TMEM132E: variants seen among roughly 807,000 people sequenced by gnomAD.
TMEM132E encodes transmembrane protein 132E.
In TMEM132E, 49 loss-of-function variants were observed where a neutral mutation model predicts 78.5. The observed-to-expected ratio is 0.62, with a 90% CI of 0.50 to 0.79. TMEM132E has a LOEUF of 0.79. Ranked by LOEUF, TMEM132E falls within the 30% of genes least tolerant of loss-of-function variation. The pLI is 0.00. For missense variants in TMEM132E, 1,403 were observed against 1,470.9 expected (o/e 0.95, Z 0.75); for synonymous variants, 715 against 670.6 (o/e 1.07, Z -1.02).
At chr17:34,593,271 C>A (rs1315176994) in intron 1 of TMEM132E, among the ~76,000 whole-genome samples, 1 of 151,892 alleles carries the variant, frequency 6.6e-6, no homozygotes, top group Non-Finnish European at 1.5e-5. Context: ...TTGAAACAAT[C>A]AAAAATAAAA....
chr17:34,624,220 T>C lies in TMEM132E; in HGVS notation c.68-1907T>C, dbSNP rs558301807. Among the ~76,000 whole-genome samples, 3 of 152,386 alleles carry C rather than the reference T, an allele frequency of 2.0e-5. No homozygotes were observed. In the South Asian group the frequency reaches 6.2e-4, roughly 32 times the overall value. ...TTAGTTCACCGCTTTTGCGAGGAAC[T>C]GGATGTGAATGTTTGTGAAACTGCC... On this transcript the variant is annotated intron_variant, in intron 1 of 8. Coordinates refer to ENST00000631683, the MANE Select transcript of TMEM132E (RefSeq NM_001304438.2).
intron 1 of TMEM132E, among the ~76,000 whole-genome samples, chr17:34,595,443 A>G (rs1266470997): frequency 6.6e-6 from 1 of 152,192 alleles, no homozygotes; most frequent in East Asian, 1.9e-4. Flanking sequence ...AGACCTCCTT[A>G]TAGGGTGCCC....
chr17:34,628,182 C>T (rs1184998460), intron 2 of TMEM132E, among the ~76,000 whole-genome samples: 1 of 152,172 alleles, frequency 6.6e-6, no homozygotes, highest in Non-Finnish European at 1.5e-5. Flanking sequence ...CTCTGTTGCC[C>T]AGCAGAGCCT....
rs1555563333 is a variant in TMEM132E, at chr17:34,613,197, C to CGCG, written c.68-12930_68-12929insGCG. Among the ~76,000 whole-genome samples, 8 of 131,064 alleles carry CGCG rather than the reference C, an allele frequency of 6.1e-5. No homozygotes were observed. In the Admixed American group the frequency reaches 6.2e-4, roughly 10 times the overall value. 86.0% of individuals were successfully genotyped at this position (131,064 alleles called of 152,430 possible). A position where few individuals can be genotyped will look rare whatever the true frequency, so the allele number is the denominator to read the frequency against. On this transcript the variant is annotated intron_variant, in intron 1 of 8. Coordinates refer to ENST00000631683, the MANE Select transcript of TMEM132E (RefSeq NM_001304438.2). ...TCTACACACACACACACACACACAC[C>CGCG]CACACACACACACACGCGCGCGCGC... is the stretch of plus-strand genomic sequence containing the variant.
Position 34,630,043 on chromosome 17 carries a change from C to T in TMEM132E, c.1374C>T (p.Gly458=), listed in dbSNP as rs780918646. 2.5e-6 allele frequency: 4 copies of T among 1,612,790 alleles called. No individual in the cohort carries two copies. The East Asian group carries it at 6.7e-5, about 27-fold the overall frequency. The change falls in exon 5 of 9, where the codon GGC becomes GGT. Residue 458 remains glycine (G), a synonymous_variant. Coordinates refer to ENST00000631683, the MANE Select transcript of TMEM132E (RefSeq NM_001304438.2). ...TEIINTAILT[G]RTVAIPVKVI... Reference sequence around the variant, plus strand: ...TCATCAACACGGCCATTCTGACTGGCCGGACAGTGGCCATCCCTGTCAAGG... The same window carrying T: ...TCATCAACACGGCCATTCTGACTGGTCGGACAGTGGCCATCCCTGTCAAGG...
Position 34,629,154 on chromosome 17 carries a change from G to C in TMEM132E, c.1288G>C (p.Glu430Gln). Residue 430 changes from glutamate (E) to glutamine (Q), a missense_variant, in exon 4 of 9, where the codon GAG becomes CAG. Physicochemically the swap from Glu to Gln is conservative, Grantham distance 29. This residue lies in a region of TMEM132E where 888 missense variants were observed against 952.8 expected (regional missense o/e 0.93). Coordinates refer to ENST00000631683, the MANE Select transcript of TMEM132E (RefSeq NM_001304438.2). ...GCCTGACCTGGAGCGGGCAGTCACTGAGCTGACGGTCATTCAGCGGGATGT... is the reference window on the plus strand; with the variant it reads ...GCCTGACCTGGAGCGGGCAGTCACTCAGCTGACGGTCATTCAGCGGGATGT... Reference protein sequence around the residue: ...ALPDLERAVTELTVIQRDVQA... With the variant: ...ALPDLERAVTQLTVIQRDVQA... 2 of 1,614,144 alleles carry C rather than the reference G, an allele frequency of 1.2e-6. No homozygotes were observed. Among genetic ancestry groups the C allele is most frequent in the Admixed American group, 1.7e-5 (1 of 60,016 alleles).
chr17:34,637,893 C>T lies in TMEM132E; in HGVS notation c.2886C>T (p.Pro962=), dbSNP rs2142089682. The part of the protein sequence containing the change: ...PPAGNPLETV[P]AFCHGDHHSS... The stretch of plus-strand genomic sequence containing the variant: ...CAGGCAACCCGCTGGAAACCGTGCC[C>T]GCCTTCTGCCACGGCGACCACCACA... The change falls in exon 9 of 9, where the codon CCC becomes CCT. Residue 962 remains proline (P), a synonymous_variant. Coordinates refer to ENST00000631683, the MANE Select transcript of TMEM132E (RefSeq NM_001304438.2). 1.2e-6 allele frequency: 2 copies of T among 1,606,916 alleles called. No homozygotes were observed. Among genetic ancestry groups the T allele is most frequent in the Admixed American group, 1.7e-5 (1 of 59,922 alleles).
intron 6 of TMEM132E, 108 bp from the exon 7 acceptor site, chr17:34,634,691 G>C: frequency 6.6e-6 from 9 of 1,361,346 alleles, no homozygotes; most frequent in Non-Finnish European, 6.9e-6. Context: ...TGCTTTTGCA[G>C]AGCTTCTGGG....
rs1597675787 is a variant in TMEM132E at position 34,590,722 on chromosome 17, G to T, written c.67+9579G>T. 2.6e-5 allele frequency among the ~76,000 whole-genome samples: 4 copies of T among 152,168 alleles called. No homozygotes were observed. The South Asian group carries it at 6.2e-4, about 24-fold the overall frequency. Reference sequence around the variant, plus strand: ...ATGCTAAATTCAGGGTATGTAATTGGTAACTCTTTACCTGGGTGATCTTTA... The same window carrying T: ...ATGCTAAATTCAGGGTATGTAATTGTTAACTCTTTACCTGGGTGATCTTTA... On this transcript the variant is annotated intron_variant, in intron 1 of 8. Coordinates refer to ENST00000631683, the MANE Select transcript of TMEM132E (RefSeq NM_001304438.2).
intron 1 of TMEM132E, among the ~76,000 whole-genome samples, chr17:34,585,266 G>T (rs1340020075): frequency 2.0e-5 from 3 of 152,220 alleles, no homozygotes; most frequent in Admixed American, 1.3e-4. Flanking sequence ...GGCCACTGTG[G>T]AATACCAGAG....
chr17:34,581,903 G>A (rs1905498964), intron 1 of TMEM132E, among the ~76,000 whole-genome samples: 2 of 152,038 alleles, frequency 1.3e-5, no homozygotes, highest in Non-Finnish European at 2.9e-5. Context: ...TTTGGCGGTG[G>A]GACAGCGGGC....
intron 1 of TMEM132E, among the ~76,000 whole-genome samples, chr17:34,586,165 C>G (rs755196165): frequency 6.6e-6 from 1 of 152,114 alleles, no homozygotes; most frequent in East Asian, 1.9e-4. Flanking sequence ...TTCCTGCAGC[C>G]GATGCTAACA....
chr17:34,596,167 A>G (rs981677649), intron 1 of TMEM132E, among the ~76,000 whole-genome samples: 3 of 152,124 alleles, frequency 2.0e-5, no homozygotes, highest in African/African-American at 7.2e-5. Flanking sequence ...GGGTGTGGCA[A>G]GAGGAATTGG....
intron 5 of TMEM132E, among the ~76,000 whole-genome samples, chr17:34,632,348 C>T (rs998399513): frequency 1.3e-5 from 2 of 152,228 alleles, no homozygotes; most frequent in Admixed American, 6.5e-5. Flanking sequence ...TCCAGAGCCC[C>T]GTCAGTCTTG....
chr17:34,595,405 T>C (rs1906021823), intron 1 of TMEM132E, among the ~76,000 whole-genome samples: 1 of 152,232 alleles, frequency 6.6e-6, no homozygotes, highest in African/African-American at 2.4e-5. Context: ...ACTCTGATTA[T>C]CCTCATTATT....
At chr17:34,583,418 G>C (rs1405885674) in intron 1 of TMEM132E, among the ~76,000 whole-genome samples, 1 of 152,174 alleles carries the variant, frequency 6.6e-6, no homozygotes, top group Non-Finnish European at 1.5e-5. Flanking sequence ...CCCCCAGATG[G>C]GTAAGGCCAG....
intron 1 of TMEM132E, among the ~76,000 whole-genome samples, chr17:34,610,778 G>A (rs1906564547): frequency 6.6e-6 from 1 of 152,212 alleles, no homozygotes. Context: ...CATGCAAGTG[G>A]GTCGGGGCTG....
At position 34,628,650 on chromosome 17, in the gene TMEM132E, A is replaced by C. The variant is rs1907239407; in HGVS notation, c.1086A>C (p.Ala362=). 2 of 1,613,408 alleles carry C rather than the reference A, an allele frequency of 1.2e-6. No homozygotes were observed. Among genetic ancestry groups the C allele is most frequent in the African/African-American group, 1.3e-5 (1 of 74,910 alleles). ...WHVTSELLTG[A]KHSTATVDVA... ...TGACCTCGGAGCTGCTGACTGGGGC[A>C]AAGCACTCAACAGCCACCGTGGATG... The change falls in exon 3 of 9, where the codon GCA becomes GCC. Residue 362 remains alanine (A), a synonymous_variant. Transcript: ENST00000631683.
chr17:34,629,526 C>T lies in TMEM132E; in HGVS notation c.1338+322C>T, dbSNP rs375073096. Among the ~76,000 whole-genome samples the T allele has an allele frequency of 2.5e-4, 38 of 152,190 alleles. No individual in the cohort carries two copies. The South Asian group carries it at 6.7e-3, about 27-fold the overall frequency. ...CCTGGGAGGGAGCCTCCCAGAGATG[C>T]AGGGTGTGTCCCAGGCAGGGCATTA... On this transcript the variant is annotated intron_variant, in intron 4 of 8. Coordinates refer to ENST00000631683, the MANE Select transcript of TMEM132E (RefSeq NM_001304438.2).
Sources: allele counts gnomAD v4.1 joint callset (sites outside exome capture counted in the v4.1 genomes callset), GRCh38; gene constraint gnomAD v4.1.1; regional missense constraint gnomAD v4.1.1; transcripts MANE v1.5; gene names NCBI Gene and HGNC (gene_info 2026-07-23, HGNC 2026-07-21).